Variants in B3GALT1 observed in about 807,000 individuals in gnomAD.
The protein encoded by B3GALT1 is beta-1,3-galactosyltransferase 1.
B3GALT1 carries 10 observed loss-of-function variants against 23.2 expected under a neutral mutation model. The ratio of observed to expected loss-of-function variants is 0.43; its 90% CI spans 0.27 to 0.73. The LOEUF (loss-of-function observed/expected upper bound fraction) is 0.73, where lower values mean the gene tolerates loss of function less well. Ranked by LOEUF, B3GALT1 falls within the 30% of genes least tolerant of loss-of-function variation. The pLI, the probability that B3GALT1 is intolerant of heterozygous loss-of-function variation, is 0.21. For synonymous variants in B3GALT1, 156 were observed against 141.5 expected (o/e 1.10, Z -0.73); for missense variants, 299 against 405.4 (o/e 0.74, Z 2.25).
chr2:167,812,382 T>C (rs973062368), intron 3 of B3GALT1, among the ~76,000 whole-genome samples: 2 of 152,234 alleles, frequency 1.3e-5, no homozygotes, highest in Non-Finnish European at 2.9e-5. Flanking sequence ...TAAAGCTGTA[T>C]GTAAAAAGTT....
chr2:167,840,264 T>G (rs1689611159), intron 4 of B3GALT1, among the ~76,000 whole-genome samples: 1 of 152,046 alleles, frequency 6.6e-6, no homozygotes, highest in Admixed American at 6.5e-5. Flanking sequence ...GGGAGAAAAT[T>G]TTTGCCACCT....
At chr2:167,513,298 A>G (rs372873575) in intron 2 of B3GALT1, among the ~76,000 whole-genome samples, 1 of 152,158 alleles carries the variant, frequency 6.6e-6, no homozygotes, top group African/African-American at 2.4e-5. Flanking sequence ...GATGCTTGCT[A>G]TCACAGCTTC....
chr2:167,566,650 A>G (rs1684176394), intron 2 of B3GALT1, among the ~76,000 whole-genome samples: 1 of 152,174 alleles, frequency 6.6e-6, no homozygotes. Flanking sequence ...ATTGAGCCAT[A>G]TGAGTAGTTA....
intron 2 of B3GALT1, among the ~76,000 whole-genome samples, chr2:167,507,963 ATCATGGTGGAGCCTACTT>A (rs1699946336): frequency 6.6e-6 from 1 of 152,172 alleles, no homozygotes; most frequent in South Asian, 2.1e-4. Context: ...TCAGAGTGCC[ATCATGGTGGAGCCTACTT>A]TCAGGTTACA....
intron 2 of B3GALT1, among the ~76,000 whole-genome samples, chr2:167,622,167 A>G (rs928728573): frequency 2.6e-5 from 4 of 152,056 alleles, no homozygotes; most frequent in Admixed American, 6.6e-5. Context: ...AGACAATTCT[A>G]TCACCAGCCC....
At chr2:167,414,212 G>A in intron 1 of B3GALT1, among the ~76,000 whole-genome samples, 1 of 152,038 alleles carries the variant, frequency 6.6e-6, no homozygotes, top group Non-Finnish European at 1.5e-5. Context: ...AAGTATGAAT[G>A]GAAAACCCTG....
At chr2:167,613,815 A>G (rs1386459256) in intron 2 of B3GALT1, among the ~76,000 whole-genome samples, 1 of 151,832 alleles carries the variant, frequency 6.6e-6, no homozygotes, top group Admixed American at 6.6e-5. Flanking sequence ...TGCCCCAAGA[A>G]TATAAAGATA....
rs929995441 is a variant in B3GALT1, at chr2:167,322,255, T to C, written c.-511+28921T>C. ...ATTCTGATAAAATTGTCCCATAATT[T>C]CCAATTAGAACATTCCTAAAAATAT... On this transcript the variant is annotated intron_variant, in intron 1 of 4. Coordinates refer to ENST00000392690, the MANE Select transcript of B3GALT1 (RefSeq NM_020981.4). Among the ~76,000 whole-genome samples the C allele has an allele frequency of 2.5e-4, 38 of 151,758 alleles. 1 individual carries two copies. Among genetic ancestry groups the C allele is most frequent in the African/African-American group, 9.2e-4 (38 of 41,388 alleles).
intron 3 of B3GALT1, among the ~76,000 whole-genome samples, chr2:167,759,553 G>C (rs1687868713): frequency 6.6e-6 from 1 of 152,178 alleles, no homozygotes; most frequent in South Asian, 2.1e-4. Context: ...TAACCATAAA[G>C]TGCCATGGAA....
At position 167,847,542 on chromosome 2, in the gene B3GALT1, A is replaced by G. The variant is rs1320866801; in HGVS notation, c.-229-21269A>G. 2.0e-5 allele frequency among the ~76,000 whole-genome samples: 3 copies of G among 152,212 alleles called. No homozygotes were observed. The East Asian group carries it at 5.8e-4, about 29-fold the overall frequency. ...ATTTAAAAATTCTTCAGACTGAATGACAATAATGACACAACCTACCAAAGC... is the reference window on the plus strand; with the variant it reads ...ATTTAAAAATTCTTCAGACTGAATGGCAATAATGACACAACCTACCAAAGC... On this transcript the variant is annotated intron_variant, in intron 4 of 4. Coordinates refer to ENST00000392690, the MANE Select transcript of B3GALT1 (RefSeq NM_020981.4).
At chr2:167,408,594 A>C (rs1698345402) in intron 1 of B3GALT1, among the ~76,000 whole-genome samples, 1 of 152,142 alleles carries the variant, frequency 6.6e-6, no homozygotes, top group Admixed American at 6.5e-5. Flanking sequence ...CCACCTAAAG[A>C]CTGCAACATA....
intron 3 of B3GALT1, among the ~76,000 whole-genome samples, chr2:167,665,447 G>A (rs1172069502): frequency 4.0e-5 from 6 of 150,208 alleles, no homozygotes; most frequent in African/African-American, 5.0e-5. Flanking sequence ...GTCTCTGGCC[G>A]GCTTTGGTAT....
intron 1 of B3GALT1, among the ~76,000 whole-genome samples, chr2:167,437,481 A>G (rs749949446): frequency 6.6e-6 from 1 of 152,224 alleles, no homozygotes; most frequent in Non-Finnish European, 1.5e-5. Flanking sequence ...ATCACTGTCA[A>G]AAGTAGTTTT....
rs373530862 is a variant in B3GALT1 at position 167,717,572 on chromosome 2, G to C, written c.-352+70606G>C. Among the ~76,000 whole-genome samples, 12 of 151,646 alleles carry C rather than the reference G, an allele frequency of 7.9e-5. No individual in the cohort carries two copies. In the East Asian group the frequency reaches 1.9e-3, roughly 24 times the overall value. ...TCATAATTGTCATCTTTTTTTGGTTGCAACATAATATTCTACTTAACGTAA... is the reference window on the plus strand; with the variant it reads ...TCATAATTGTCATCTTTTTTTGGTTCCAACATAATATTCTACTTAACGTAA... On this transcript the variant is annotated intron_variant, in intron 3 of 4. Transcript: ENST00000392690.
chr2:167,839,490 C>G lies in B3GALT1; in HGVS notation c.-230+20697C>G, dbSNP rs1364009419. On this transcript the variant is annotated intron_variant, in intron 4 of 4. Transcript: ENST00000392690. ...TTACAAGGGATGTGAAGGACCTCTT[C>G]AAGGAGAACTACAAACCACTGCTCA... 3.6e-4 allele frequency among the ~76,000 whole-genome samples: 55 copies of G among 152,270 alleles called. No homozygotes were observed. The East Asian group carries it at 7.1e-3, about 20-fold the overall frequency.
chr2:167,713,848 G>A, intron 3 of B3GALT1: 1 of 1,592,568 alleles, frequency 6.3e-7, no homozygotes, highest in Non-Finnish European at 8.6e-7. Context: ...GTGGACCTGG[G>A]AAATCCCTTG....
chr2:167,317,948 A>G (rs1340347978), intron 1 of B3GALT1, among the ~76,000 whole-genome samples: 1 of 152,144 alleles, frequency 6.6e-6, no homozygotes, highest in Non-Finnish European at 1.5e-5. Context: ...AGTATACCCA[A>G]GATCATTTGC....
chr2:167,317,197 G>A (rs1696733364), intron 1 of B3GALT1, among the ~76,000 whole-genome samples: 1 of 152,088 alleles, frequency 6.6e-6, no homozygotes, highest in African/African-American at 2.4e-5. Context: ...GGAACATGTG[G>A]GCTATTTCAG....
intron 1 of B3GALT1, among the ~76,000 whole-genome samples, chr2:167,392,892 AC>A (rs1698036645): frequency 1.3e-5 from 2 of 152,202 alleles, no homozygotes; most frequent in Non-Finnish European, 2.9e-5. Context: ...CTCCTCTAGA[AC>A]GAACACTTGT....
Sources: gnomAD v4.1 joint callset for allele counts (sites outside exome capture counted in the v4.1 genomes callset) on GRCh38, gnomAD v4.1.1 for gene constraint, MANE v1.5 for transcripts, NCBI Gene and HGNC (gene_info 2026-07-23, HGNC 2026-07-21) for gene names.